Variants in TMCC1 observed in about 807,000 individuals in gnomAD.
TMCC1 encodes transmembrane and coiled-coil domain family 1.
A neutral mutation model predicts 52.4 loss-of-function variants in TMCC1; 15 were observed. That is an observed-to-expected ratio of 0.29 (90% CI 0.19 to 0.44). The LOEUF is 0.44. TMCC1 is among the 20% of genes least tolerant of loss of function. TMCC1 has a pLI of 1.00. For missense variants in TMCC1, 503 were observed against 806.0 expected, an observed-to-expected ratio of 0.62 and a Z score of 4.55; for synonymous variants, 279 against 301.9, an observed-to-expected ratio of 0.92 and a Z score of 0.79.
At chr3:129,821,584 T>C (rs1184672661) in intron 4 of TMCC1, among the ~76,000 whole-genome samples, 1 of 152,176 alleles carries the variant, frequency 6.6e-6, no homozygotes, top group African/African-American at 2.4e-5. Flanking sequence ...GGTTTCTTGG[T>C]GTCTTAAGGC....
At chr3:129,859,335 C>A (rs559362991) in intron 2 of TMCC1, among the ~76,000 whole-genome samples, 5 of 152,080 alleles carry the variant, frequency 3.3e-5, no homozygotes, top group Admixed American at 3.3e-4. Context: ...TGAGATAAAC[C>A]ATAAAAAATG....
At chr3:129,702,563 C>T (rs2047917109) in intron 4 of TMCC1, among the ~76,000 whole-genome samples, 1 of 152,120 alleles carries the variant, frequency 6.6e-6, no homozygotes, top group African/African-American at 2.4e-5. Context: ...CTATTTCAGG[C>T]TGAATGCCAT....
intron 4 of TMCC1, among the ~76,000 whole-genome samples, chr3:129,791,847 T>G (rs906271494): frequency 1.6e-4 from 25 of 152,288 alleles, no homozygotes; most frequent in Non-Finnish European, 2.6e-4. Context: ...AACTCAGATG[T>G]GAACATCTAC....
intron 4 of TMCC1, among the ~76,000 whole-genome samples, chr3:129,813,463 G>C (rs970955285): frequency 3.9e-5 from 6 of 152,142 alleles, no homozygotes; most frequent in Non-Finnish European, 8.8e-5. Context: ...GTACACCACA[G>C]AATACTACAC....
At chr3:129,847,464 A>T (rs1009828863) in intron 2 of TMCC1, 20 of 152,224 alleles carry the variant, frequency 1.3e-4, no homozygotes, top group African/African-American at 4.8e-4. Flanking sequence ...TCATTCATTA[A>T]ACCGAATTAT....
chr3:129,874,496 C>T (rs1027759328), intron 2 of TMCC1, among the ~76,000 whole-genome samples: 2 of 152,094 alleles, frequency 1.3e-5, no homozygotes, highest in African/African-American at 4.8e-5. Flanking sequence ...CTGCTTAAGC[C>T]CAGGAGTTCA....
chr3:129,809,938 CATT>C (rs2057707616), intron 4 of TMCC1, among the ~76,000 whole-genome samples: 2 of 152,098 alleles, frequency 1.3e-5, no homozygotes, highest in Non-Finnish European at 2.9e-5. Context: ...TGTAGAAAAA[CATT>C]AGAGCTACAA....
intron 2 of TMCC1, among the ~76,000 whole-genome samples, chr3:129,849,392 G>A (rs190012760): frequency 1.3e-3 from 203 of 151,720 alleles, no homozygotes; most frequent in African/African-American, 3.8e-3. Flanking sequence ...CCCAGGAGGC[G>A]GATGTTGCAG....
rs530940713 is a variant in TMCC1, at chr3:129,882,929, T to A, written c.-434-2370A>T. On this transcript the variant is annotated intron_variant, in intron 1 of 6. Coordinates refer to ENST00000393238, the MANE Select transcript of TMCC1 (RefSeq NM_001017395.5). Reference sequence around the variant, plus strand: ...TGCAAGATGAAAGGAGTAATGGAGATGGATGATAGTGATGGTTGCACAACA... The same window carrying A: ...TGCAAGATGAAAGGAGTAATGGAGAAGGATGATAGTGATGGTTGCACAACA... Among the ~76,000 whole-genome samples the A allele has an allele frequency of 2.0e-5, 3 of 152,198 alleles. No individual in the cohort carries two copies. The South Asian group carries it at 6.2e-4, about 32-fold the overall frequency.
At chr3:129,703,851 T>C (rs2048022504) in intron 4 of TMCC1, among the ~76,000 whole-genome samples, 1 of 152,218 alleles carries the variant, frequency 6.6e-6, no homozygotes, top group Non-Finnish European at 1.5e-5. Flanking sequence ...GATCTCATAG[T>C]TGCTATTAAC....
chr3:129,662,522 C>G (rs2087118390), intron 5 of TMCC1, among the ~76,000 whole-genome samples: 1 of 151,976 alleles, frequency 6.6e-6, no homozygotes, highest in African/African-American at 2.4e-5. Flanking sequence ...GCCTGTAATC[C>G]CAGCTGCTTG....
chr3:129,768,202 CAACA>C (rs2054280051), intron 4 of TMCC1, among the ~76,000 whole-genome samples: 2 of 152,136 alleles, frequency 1.3e-5, no homozygotes, highest in South Asian at 2.1e-4. Context: ...AATATCGTCT[CAACA>C]AACAAACAAA....
chr3:129,652,634 C>T (rs549835177), intron 6 of TMCC1, among the ~76,000 whole-genome samples: 2 of 152,314 alleles, frequency 1.3e-5, no homozygotes, highest in Admixed American at 6.5e-5. Flanking sequence ...GTTAATGTGG[C>T]TTTCTTTCCA....
chr3:129,755,824 C>T (rs1028490427), intron 4 of TMCC1, among the ~76,000 whole-genome samples: 4 of 152,172 alleles, frequency 2.6e-5, no homozygotes, highest in Admixed American at 6.5e-5. Context: ...ACTGCCAAGG[C>T]TGGGGCGGTG....
intron 4 of TMCC1, among the ~76,000 whole-genome samples, chr3:129,785,932 C>CG (rs2055988127): frequency 3.0e-5 from 2 of 65,932 alleles, no homozygotes; most frequent in South Asian, 7.1e-4. Flanking sequence ...ACCCTCACCC[C>CG]CTTTTTTTTT....
At position 129,671,288 on chromosome 3, in the gene TMCC1, T is replaced by C. The variant is rs201698972; in HGVS notation, c.577-24A>G. 1,717 of 1,580,464 alleles carry C rather than the reference T, an allele frequency of 1.1e-3. 12 individuals are homozygous for C. The highest frequency in any genetic ancestry group is 6.5e-3 in the South Asian group (560 of 85,940). ...ATCTAGTGTAAAAACAAGAGGTACA[T>C]GTTAGAAGCCCAAGAGGACTACGTC... On this transcript the variant is annotated intron_variant, in intron 4 of 6. Transcript: ENST00000393238.
intron 4 of TMCC1, among the ~76,000 whole-genome samples, chr3:129,764,765 A>T (rs377134287): frequency 2.4e-5 from 1 of 42,316 alleles, no homozygotes. Flanking sequence ...GTGTATATAT[A>T]TATATATATA....
chr3:129,850,792 G>A (rs1380116874), intron 2 of TMCC1, among the ~76,000 whole-genome samples: 1 of 152,210 alleles, frequency 6.6e-6, no homozygotes, highest in Non-Finnish European at 1.5e-5. Flanking sequence ...TGTTTCCACA[G>A]ATACTAGACT....
intron 4 of TMCC1, among the ~76,000 whole-genome samples, chr3:129,779,458 T>C (rs1308798286): frequency 6.6e-6 from 1 of 152,202 alleles, no homozygotes. Context: ...CTTTCCAATA[T>C]GACATCAAAT....
Sources: allele counts gnomAD v4.1 joint callset (sites outside exome capture counted in the v4.1 genomes callset), GRCh38; gene constraint gnomAD v4.1.1; transcripts MANE v1.5; gene names NCBI Gene and HGNC (gene_info 2026-07-23, HGNC 2026-07-21).